The following CCDC97 variants were observed in gnomAD, a reference collection of about 807,000 sequenced individuals.
CCDC97 encodes coiled-coil domain-containing protein 97.
A neutral mutation model predicts 33.9 loss-of-function variants in CCDC97; 27 were observed. The ratio of observed to expected loss-of-function variants is 0.80; its 90% CI spans 0.59 to 1.10. CCDC97 has a LOEUF of 1.10. Among genes scored for constraint, CCDC97 ranks in the 50% least tolerant of loss-of-function variants. CCDC97 has a pLI of 0.00. For missense variants in CCDC97, 422 were observed against 476.6 expected (o/e 0.89, Z 1.07); for synonymous variants, 217 against 194.0 (o/e 1.12, Z -0.99).
In CCDC97 at chr19:41,319,609, C is replaced by T. The variant is rs1172044043; in HGVS notation, c.538C>T (p.Arg180Trp). The change falls in exon 3 of 5, where the codon CGG (arginine) becomes TGG (tryptophan). Residue 180 changes from arginine (R) to tryptophan (W), a missense_variant. Physicochemically the swap from Arg to Trp is moderately radical, Grantham distance 101. Coordinates refer to ENST00000269967, the MANE Select transcript of CCDC97 (RefSeq NM_052848.3). Reference protein sequence around the residue: ...EYFSDEQMRFRAPLLYEQYIG... With the variant: ...EYFSDEQMRFWAPLLYEQYIG... The stretch of plus-strand genomic sequence containing the variant: ...CTTCAGTGATGAGCAGATGCGGTTC[C>T]GGGCCCCCCTGCTATATGAGCAGTA... 15 of 1,611,344 alleles carry T rather than the reference C, an allele frequency of 9.3e-6. No individual in the cohort carries two copies. Among genetic ancestry groups the T allele is most frequent in the East Asian group, 6.7e-5 (3 of 44,846 alleles).
rs374504882 is a variant in CCDC97, at chr19:41,316,784, C to G, written c.447C>G (p.Thr149=). The G allele has an allele frequency of 5.0e-6, 8 of 1,605,484 alleles. No individual in the cohort carries two copies. The highest frequency in any genetic ancestry group is 6.8e-6 in the Non-Finnish European group (8 of 1,173,578). ...VARQGTARPR[T]LRTRLRNRRY... ...GGCAGGGCACTGCCCGGCCCCGCACCCTGCGTACCCGCCTGCGTAACCGGC... is the reference window on the plus strand; with the variant it reads ...GGCAGGGCACTGCCCGGCCCCGCACGCTGCGTACCCGCCTGCGTAACCGGC... Residue 149 remains threonine (T), a synonymous_variant, in exon 2 of 5, where the codon ACC becomes ACG. Transcript: ENST00000269967.
intron 1 of CCDC97, among the ~76,000 whole-genome samples, chr19:41,311,564 C>G (rs891191249): frequency 6.6e-6 from 1 of 152,128 alleles, no homozygotes; most frequent in Admixed American, 6.5e-5. Flanking sequence ...GAAACCCCAT[C>G]TCTACTAAAA....
chr19:41,321,336 G>C (rs2037822935), intron 4 of CCDC97, among the ~76,000 whole-genome samples: 1 of 152,238 alleles, frequency 6.6e-6, no homozygotes, highest in African/African-American at 2.4e-5. Flanking sequence ...TGGACCATGG[G>C]GACCCTCATT....
chr19:41,316,175 C>G (rs573822291), intron 1 of CCDC97, among the ~76,000 whole-genome samples: 4 of 152,314 alleles, frequency 2.6e-5, no homozygotes, highest in Admixed American at 2.6e-4. Flanking sequence ...CAGGAAACAC[C>G]TAACACATTA....
rs1333980210 is a variant in CCDC97, at chr19:41,319,795, G to A, written c.724G>A (p.Glu242Lys). ...ELQQRLLQQQ[E>K]EEEACLEEEE... is the part of the protein sequence containing the mutation. The stretch of plus-strand genomic sequence containing the variant: ...ACAGCAGCGTCTGCTCCAACAGCAG[G>A]AGGAGGAGGAGGCCTGCTTGGAGGA... The change falls in exon 3 of 5, where the codon GAG becomes AAG. Residue 242 changes from glutamate (E) to lysine (K), a missense_variant. Transcript: ENST00000269967. 1 of 1,590,992 alleles carries A rather than the reference G, an allele frequency of 6.3e-7. No homozygotes were observed. Among genetic ancestry groups the A allele is most frequent in the Non-Finnish European group, 8.6e-7 (1 of 1,163,640 alleles).
chr19:41,314,052 T>A (rs2037716100), intron 1 of CCDC97, among the ~76,000 whole-genome samples: 1 of 152,102 alleles, frequency 6.6e-6, no homozygotes, highest in African/African-American at 2.4e-5. Flanking sequence ...GTCTCCCACA[T>A]CAGACTGGGT....
Position 41,310,234 on chromosome 19 carries a change from A to C in CCDC97, c.-77A>C. On this transcript the variant is annotated 5_prime_UTR_variant, in exon 1 of 5. Coordinates refer to ENST00000269967, the MANE Select transcript of CCDC97 (RefSeq NM_052848.3). ...CCGGACCCGGAACATTCTCAGGCGAAAGTGTCTCTTGCGTGCGTGGGCCGG... is the reference window on the plus strand; with the variant it reads ...CCGGACCCGGAACATTCTCAGGCGACAGTGTCTCTTGCGTGCGTGGGCCGG... The C allele has an allele frequency of 6.5e-7, 1 of 1,543,044 alleles. No homozygotes were observed. The highest frequency in any genetic ancestry group is 1.2e-5 in the South Asian group (1 of 84,076).
chr19:41,311,495 G>A (rs1430207646), intron 1 of CCDC97, among the ~76,000 whole-genome samples: 1 of 152,096 alleles, frequency 6.6e-6, no homozygotes, highest in Non-Finnish European at 1.5e-5. Flanking sequence ...CACTTTGGAA[G>A]GCGGAGGCAG....
At position 41,310,246 on chromosome 19, in the gene CCDC97, C is replaced by G; in HGVS notation, c.-65C>G. 6.4e-7 allele frequency: 1 copy of G among 1,550,808 alleles called. No individual in the cohort carries two copies. The highest frequency in any genetic ancestry group is 8.7e-7 in the Non-Finnish European group (1 of 1,144,648). On this transcript the variant is annotated 5_prime_UTR_variant, in exon 1 of 5. Coordinates refer to ENST00000269967, the MANE Select transcript of CCDC97 (RefSeq NM_052848.3). ...CATTCTCAGGCGAAAGTGTCTCTTGCGTGCGTGGGCCGGAGGTTAGTGTGC... is the reference window on the plus strand; with the variant it reads ...CATTCTCAGGCGAAAGTGTCTCTTGGGTGCGTGGGCCGGAGGTTAGTGTGC...
At position 41,315,296 on chromosome 19, in the gene CCDC97, CAAAAAAAAAAAAAA is replaced by C. The variant is rs71177714; in HGVS notation, c.47-1078_47-1065del. On this transcript the variant is annotated intron_variant, in intron 1 of 4. Transcript: ENST00000269967. ...TGGGCGAAAGAGCGAGACTCCGTCT[CAAAAAAAAAAAAAA>C]AAAAAAAAAGATTGGCAGGGTGCAG... Among the ~76,000 whole-genome samples the C allele has an allele frequency of 1.2e-3, 48 of 41,732 alleles. 2 individuals carry two copies. The South Asian group carries it at 0.041, about 35-fold the overall frequency. The allele number at this position is 41,732 out of a possible 152,430, so 27.4% of individuals were successfully genotyped here.
intron 4 of CCDC97, 139 bp from the exon 5 acceptor site, chr19:41,322,456 A>T: frequency 2.3e-6 from 2 of 862,062 alleles, no homozygotes; most frequent in Non-Finnish European, 3.5e-6. Flanking sequence ...TGAGAGTTTT[A>T]AACACTATCT....
At chr19:41,321,340 C>A (rs1045992093) in intron 4 of CCDC97, among the ~76,000 whole-genome samples, 3 of 152,246 alleles carry the variant, frequency 2.0e-5, no homozygotes, top group African/African-American at 7.2e-5. Context: ...CCATGGGGAC[C>A]CTCATTCAGC....
intron 4 of CCDC97, 94 bp from the exon 5 acceptor site, chr19:41,322,501 C>T: frequency 1.4e-6 from 2 of 1,392,350 alleles, no homozygotes; most frequent in East Asian, 2.3e-5. Context: ...GCTGCCAGCA[C>T]ATGGCCTTTG....
At chr19:41,321,304 G>A (rs1216546048) in intron 4 of CCDC97, among the ~76,000 whole-genome samples, 2 of 152,234 alleles carry the variant, frequency 1.3e-5, no homozygotes, top group Non-Finnish European at 2.9e-5. Flanking sequence ...GTTCCTGCAC[G>A]CAAAGTGGTG....
chr19:41,313,725 A>T (rs548898898), intron 1 of CCDC97, among the ~76,000 whole-genome samples: 5 of 152,176 alleles, frequency 3.3e-5, no homozygotes, highest in African/African-American at 1.2e-4. Context: ...TTTGAGACAG[A>T]GTCTTCACTC....
chr19:41,316,410 T>G lies in CCDC97; in HGVS notation c.73T>G (p.Trp25Gly), dbSNP rs776311823. 10 of 1,613,482 alleles carry G rather than the reference T, an allele frequency of 6.2e-6. No homozygotes were observed. In the Admixed American group the frequency reaches 1.7e-4, roughly 27 times the overall value. ...KGCIEPGPGH[W>G]GELSRTPVPS... ...CTGCATAGAGCCTGGACCTGGGCAC[T>G]GGGGTGAGCTGAGCCGGACACCAGT... is the stretch of plus-strand genomic sequence containing the variant. The change falls in exon 2 of 5, where the codon TGG becomes GGG. Residue 25 changes from tryptophan (W) to glycine (G), a missense_variant. Coordinates refer to ENST00000269967, the MANE Select transcript of CCDC97 (RefSeq NM_052848.3).
chr19:41,320,317 A>T (rs1568470308), intron 3 of CCDC97, 24 bp from the exon 4 acceptor site: 1 of 1,612,236 alleles, frequency 6.2e-7, no homozygotes, highest in South Asian at 1.1e-5. Flanking sequence ...CCGCATTCAC[A>T]CCCCCTCTCC....
Position 41,316,746 on chromosome 19 carries a change from G to A in CCDC97, c.409G>A (p.Ala137Thr), listed in dbSNP as rs1024242212. 11 of 1,613,338 alleles carry A rather than the reference G, an allele frequency of 6.8e-6. No individual in the cohort carries two copies. The highest frequency in any genetic ancestry group is 1.3e-5 in the African/African-American group (1 of 74,920). Reference sequence around the variant, plus strand: ...CGACCACCGTGCAGACTTCTACTGTGCTGAGGTGGCCCGGCAGGGCACTGC... The same window carrying A: ...CGACCACCGTGCAGACTTCTACTGTACTGAGGTGGCCCGGCAGGGCACTGC... ...RGDHRADFYC[A>T]EVARQGTARP... Residue 137 changes from alanine (A) to threonine (T), a missense_variant, in exon 2 of 5, where the codon GCT becomes ACT. Coordinates refer to ENST00000269967, the MANE Select transcript of CCDC97 (RefSeq NM_052848.3).
chr19:41,319,472 G>A, intron 2 of CCDC97, 102 bp from the exon 3 acceptor site: 1 of 863,404 alleles, frequency 1.2e-6, no homozygotes, highest in Non-Finnish European at 1.9e-6. Context: ...CACTTGGACT[G>A]TGTATGCACA....
Sources: allele counts gnomAD v4.1 joint callset (sites outside exome capture counted in the v4.1 genomes callset), GRCh38; gene constraint gnomAD v4.1.1; transcripts MANE v1.5; gene names NCBI Gene and HGNC (gene_info 2026-07-23, HGNC 2026-07-21).